ABCB7: variants seen among roughly 807,000 people sequenced by gnomAD.
ABCB7 encodes iron-sulfur clusters transporter ABCB7, mitochondrial.
A neutral mutation model predicts 54.4 loss-of-function variants in ABCB7; 7 were observed. That is an observed-to-expected ratio of 0.13 (90% CI 0.07 to 0.24). The LOEUF (loss-of-function observed/expected upper bound fraction) is 0.24. Among genes scored for constraint, ABCB7 ranks in the 10% least tolerant of loss-of-function variants. The pLI is 1.00. For synonymous variants in ABCB7, 218 were observed against 207.1 expected, an observed-to-expected ratio of 1.05 and a Z score of -0.45; for missense variants, 356 against 570.4, an observed-to-expected ratio of 0.62 and a Z score of 3.83.
intron 4 of ABCB7, among the ~76,000 whole-genome samples, chrX:75,080,596 G>A (rs1358987618): frequency 2.7e-5 from 3 of 111,492 alleles, no homozygotes; most frequent in Non-Finnish European, 3.8e-5. Flanking sequence ...GAGCCACCAC[G>A]CCTGGCCTGC....
At chrX:75,125,489 G>A (rs184330105) in intron 1 of ABCB7, among the ~76,000 whole-genome samples, 57 of 111,535 alleles carry the variant, frequency 5.1e-4, no homozygotes, top group African/African-American at 1.8e-3. Flanking sequence ...TTCAGAGGTA[G>A]GGAAACACAG....
rs377012525 is a variant in ABCB7 at position 75,082,159 on chromosome X, A to C, written c.454-5505T>G. 2.7e-5 allele frequency among the ~76,000 whole-genome samples: 3 copies of C among 111,817 alleles called. No individual in the cohort carries two copies. In the East Asian group the frequency reaches 8.4e-4, roughly 31 times the overall value. ...ATTCACACCAAGACACATCATAATTAAACTTATGAAAGCTAGAGACAGAGA... is the reference window on the plus strand; with the variant it reads ...ATTCACACCAAGACACATCATAATTCAACTTATGAAAGCTAGAGACAGAGA... On this transcript the variant is annotated intron_variant, in intron 4 of 15. Coordinates refer to ENST00000373394, the MANE Select transcript of ABCB7 (RefSeq NM_001271696.3).
At chrX:75,060,549 T>C (rs1276197266) in intron 14 of ABCB7, among the ~76,000 whole-genome samples, 2 of 111,442 alleles carry the variant, frequency 1.8e-5, no homozygotes. Context: ...GATCACATTA[T>C]CGTGGAAAAA....
intron 1 of ABCB7, among the ~76,000 whole-genome samples, chrX:75,152,329 A>G (rs926438959): frequency 9.0e-6 from 1 of 111,414 alleles, no homozygotes; most frequent in Admixed American, 9.5e-5. Context: ...CCCTTATAAG[A>G]GGGGCCAAAG....
At chrX:75,099,254 A>C (rs1399509371) in intron 3 of ABCB7, among the ~76,000 whole-genome samples, 193 bp from the exon 4 acceptor site, 1 of 112,134 alleles carries the variant, frequency 8.9e-6, no homozygotes. Context: ...ACTTTAAAAA[A>C]GTTATTCATT....
chrX:75,118,225 C>A (rs779280675), intron 1 of ABCB7, among the ~76,000 whole-genome samples: 20 of 111,427 alleles, frequency 1.8e-4, no homozygotes, highest in Non-Finnish European at 3.4e-4. Flanking sequence ...ACAATGGCAG[C>A]CTGGGTGCAG....
intron 1 of ABCB7, among the ~76,000 whole-genome samples, chrX:75,132,948 C>A (rs1368338753): frequency 9.0e-6 from 1 of 111,696 alleles, no homozygotes; most frequent in Non-Finnish European, 1.9e-5. Flanking sequence ...TCCTAACTAC[C>A]ACACTAGCTC....
chrX:75,076,610 G>A lies in ABCB7; in HGVS notation c.498C>T (p.Asp166=). ...VVPFMFKYAV[D]SLNQMSGNML... is the part of the protein sequence containing the mutation. Reference sequence around the variant, plus strand: ...TGTTTCCCGACATCTGGTTGAGGCTGTCTACAGCATATTTAAACATGAAGG... The same window carrying A: ...TGTTTCCCGACATCTGGTTGAGGCTATCTACAGCATATTTAAACATGAAGG... The change falls in exon 5 of 16, where the codon GAC becomes GAT. Residue 166 remains aspartate (D), a synonymous_variant. Transcript: ENST00000373394. 1 of 1,210,332 alleles carries A rather than the reference G, an allele frequency of 8.3e-7. No individual in the cohort carries two copies. The highest frequency in any genetic ancestry group is 1.1e-6 in the Non-Finnish European group (1 of 894,325).
chrX:75,152,289 A>T (rs1326554804), intron 1 of ABCB7, among the ~76,000 whole-genome samples: 1 of 111,759 alleles, frequency 8.9e-6, no homozygotes, highest in Non-Finnish European at 1.9e-5. Context: ...TAGGACTTGG[A>T]GAGTAGAGCT....
intron 3 of ABCB7, among the ~76,000 whole-genome samples, chrX:75,109,664 G>A (rs1005852638): frequency 9.0e-6 from 1 of 111,449 alleles, no homozygotes; most frequent in African/African-American, 3.3e-5. Context: ...AAAACTTGTA[G>A]TGAGGAACTA....
intron 1 of ABCB7, among the ~76,000 whole-genome samples, chrX:75,151,408 G>C (rs931619099): frequency 1.8e-5 from 2 of 110,828 alleles, no homozygotes; most frequent in African/African-American, 6.6e-5. Flanking sequence ...AGATGATTTC[G>C]GAACCTAGCT....
chrX:75,120,603 A>AAAATAAAT (rs569345456), intron 1 of ABCB7, among the ~76,000 whole-genome samples: 6 of 108,977 alleles, frequency 5.5e-5, no homozygotes, highest in South Asian at 8.5e-4. Context: ...CTTCATCTCA[A>AAAATAAAT]AAATAAATAA....
At chrX:75,129,996 C>T (rs763224111) in intron 1 of ABCB7, among the ~76,000 whole-genome samples, 6 of 111,019 alleles carry the variant, frequency 5.4e-5, no homozygotes, top group African/African-American at 9.8e-5. Flanking sequence ...GAAACTGAGG[C>T]TTAGAGAGGC....
chrX:75,060,163 T>C, intron 15 of ABCB7, 60 bp downstream of exon 15: 7 of 928,529 alleles, frequency 7.5e-6, no homozygotes, highest in Middle Eastern at 2.6e-4. Flanking sequence ...TTAAGCTTCT[T>C]GTATCTATAA....
chrX:75,054,617 G>T (rs2081221826), intron 15 of ABCB7, among the ~76,000 whole-genome samples: 3 of 100,898 alleles, frequency 3.0e-5, no homozygotes, highest in Non-Finnish European at 4.0e-5. Flanking sequence ...TGTCACTATT[G>T]GAAATCTCTC....
intron 2 of ABCB7, among the ~76,000 whole-genome samples, 190 bp downstream of exon 2, chrX:75,114,564 T>C: frequency 8.9e-6 from 1 of 112,625 alleles, no homozygotes; most frequent in South Asian, 3.6e-4. Context: ...AGATAGATTT[T>C]TCCAGGGGTA....
In ABCB7 at chrX:75,069,055, T is replaced by C. The variant is rs1199474233; in HGVS notation, c.1611A>G (p.Gln537=). 2.5e-6 allele frequency: 3 copies of C among 1,207,197 alleles called. No homozygotes were observed. In the African/African-American group the frequency reaches 5.3e-5, roughly 21 times the overall value. ...TCCGAAGGCTTTCCAGGCTCACATC[T>C]TGTATATTTTGACCAGCAAGATAAA... ...GSIYLAGQNI[Q]DVSLESLRRA... The change falls in exon 12 of 16, where the codon CAA becomes CAG. Residue 537 remains glutamine (Q), a synonymous_variant. Transcript: ENST00000373394.
chrX:75,059,726 T>C (rs1232468352), intron 15 of ABCB7, among the ~76,000 whole-genome samples: 1 of 111,628 alleles, frequency 9.0e-6, no homozygotes. Flanking sequence ...AGTAATTCCC[T>C]TAGAAGAGAT....
intron 1 of ABCB7, among the ~76,000 whole-genome samples, chrX:75,115,410 C>CTTTTTTTTTTTTTTTTTTTTT (rs747398607): frequency 6.6e-5 from 2 of 30,186 alleles, no homozygotes; most frequent in African/African-American, 1.8e-4. Context: ...TGTCTCTTTT[C>CTTTTTTTTTTTTTTTTTTTTT]TTTTTTTTTT....
Sources: allele counts gnomAD v4.1 joint callset (sites outside exome capture counted in the v4.1 genomes callset), GRCh38; gene constraint gnomAD v4.1.1; transcripts MANE v1.5; gene names NCBI Gene and HGNC (gene_info 2026-07-23, HGNC 2026-07-21).